GPHN: variants seen among roughly 807,000 people sequenced by gnomAD.
GPHN encodes the protein gephyrin.
In GPHN, 17 loss-of-function variants were observed where a neutral mutation model predicts 95.5. The observed-to-expected ratio is 0.18, with a 90% CI of 0.12 to 0.27. The LOEUF is 0.27. Ranked by LOEUF, GPHN falls within the 10% of genes least tolerant of loss-of-function variation. GPHN has a pLI of 1.00. For synonymous variants in GPHN, 320 were observed against 322.5 expected (o/e 0.99, Z 0.08); for missense variants, 660 against 978.1 (o/e 0.67, Z 4.34).
At chr14:67,582,566 G>A in the GPHN span, among the ~76,000 whole-genome samples, 2 of 152,156 alleles carry the variant, frequency 1.3e-5, no homozygotes, top group East Asian at 3.9e-4. This position sits in a 1 kb window ranked among gnomAD's most constrained non-coding sequence, Gnocchi z 5.0. Flanking sequence ...TGCCTGTAAT[G>A]TCAGCACTTT....
At chr14:67,639,347 T>C in the GPHN span, among the ~76,000 whole-genome samples, 6 of 152,346 alleles carry the variant, frequency 3.9e-5, no homozygotes, top group East Asian at 1.9e-4. Flanking sequence ...CCTATGAGGA[T>C]TGAATGAAAG....
chr14:66,977,071 C>G (rs2070296198), intron 9 of GPHN, among the ~76,000 whole-genome samples: 1 of 152,102 alleles, frequency 6.6e-6, no homozygotes. Context: ...AGGAATATAA[C>G]CTTTCAAGCA....
At chr14:67,344,667 C>A in the GPHN span, among the ~76,000 whole-genome samples, 1 of 151,870 alleles carries the variant, frequency 6.6e-6, no homozygotes, top group South Asian at 2.1e-4. Context: ...TTTCTTGAGG[C>A]CAGGAGTTTG....
At chr14:67,118,974 AT>A (rs1311456006) in intron 16 of GPHN, among the ~76,000 whole-genome samples, 1 of 152,094 alleles carries the variant, frequency 6.6e-6, no homozygotes, top group African/African-American at 2.4e-5. Flanking sequence ...TTATGAGGGT[AT>A]TTATAGGATT....
the GPHN span, among the ~76,000 whole-genome samples, chr14:67,217,960 T>A: frequency 6.6e-6 from 1 of 152,102 alleles, no homozygotes; most frequent in Non-Finnish European, 1.5e-5. Context: ...TATGAATGGG[T>A]CTTGGGATGT....
intron 2 of GPHN, among the ~76,000 whole-genome samples, chr14:66,690,640 C>T (rs1437601985): frequency 6.6e-6 from 1 of 152,138 alleles, no homozygotes; most frequent in African/African-American, 2.4e-5. Context: ...GAATTTATTC[C>T]TTCCTTTAAA....
the GPHN span, among the ~76,000 whole-genome samples, chr14:67,222,872 C>A: frequency 6.6e-6 from 1 of 151,882 alleles, no homozygotes. Flanking sequence ...AATACTGCTT[C>A]AAAAAGCAAG....
intron 4 of GPHN, among the ~76,000 whole-genome samples, chr14:66,850,656 G>A (rs955717577): frequency 1.3e-5 from 2 of 152,088 alleles, no homozygotes; most frequent in Non-Finnish European, 2.9e-5. Context: ...GCCCAGGAAT[G>A]CTGCTAAACA....
the GPHN span, chr14:67,569,740 T>C: frequency 2.1e-5 from 13 of 608,080 alleles, no homozygotes; most frequent in Non-Finnish European, 3.5e-5. Flanking sequence ...CTTTACCACA[T>C]GGAGATCATG....
chr14:67,380,817 C>A, the GPHN span: 1 of 994,512 alleles, frequency 1.0e-6, no homozygotes. Flanking sequence ...ATCAAAAAAG[C>A]TATTAAATAA....
At chr14:67,124,778 A>C (rs1023680659) in intron 17 of GPHN, among the ~76,000 whole-genome samples, 3 of 151,476 alleles carry the variant, frequency 2.0e-5, no homozygotes, top group Middle Eastern at 3.2e-3. Flanking sequence ...TTTGTTCTGG[A>C]CTATAATTCT....
At chr14:67,606,609 A>G in the GPHN span, among the ~76,000 whole-genome samples, 11 of 151,010 alleles carry the variant, frequency 7.3e-5, no homozygotes, top group East Asian at 2.1e-3. Flanking sequence ...TTTCAAAGGA[A>G]AGGTAAAAAA....
chr14:66,543,273 G>C (rs2059418287), intron 1 of GPHN, among the ~76,000 whole-genome samples: 1 of 152,076 alleles, frequency 6.6e-6, no homozygotes. Context: ...AACTACTCTT[G>C]ATAAGGTCAC....
chr14:67,323,261 G>GTGTGTGTGTATGTATA, the GPHN span, among the ~76,000 whole-genome samples: 1 of 124,140 alleles, frequency 8.1e-6, no homozygotes, highest in Non-Finnish European at 1.8e-5. Flanking sequence ...GTGTGTGTGT[G>GTGTGTGTGTATGTATA]TATATATATA....
At chr14:67,296,576 ACT>A in the GPHN span, among the ~76,000 whole-genome samples, 1 of 121,470 alleles carries the variant, frequency 8.2e-6, no homozygotes, top group Admixed American at 1.0e-4. Flanking sequence ...ACAGAGTGAA[ACT>A]CTGTCTCAAA....
At chr14:67,352,875 G>T in the GPHN span, 1 of 1,323,338 alleles carries the variant, frequency 7.6e-7, no homozygotes, top group Non-Finnish European at 1.1e-6. Flanking sequence ...CAAGGGCCAT[G>T]CTGGATTTTT....
intron 10 of GPHN, among the ~76,000 whole-genome samples, chr14:67,024,349 A>G (rs2153627079): frequency 6.6e-6 from 1 of 152,360 alleles, no homozygotes; most frequent in African/African-American, 2.4e-5. Context: ...AAAGTGCTAT[A>G]TAAATGCTAA....
At chr14:67,194,776 G>A in the GPHN span, among the ~76,000 whole-genome samples, 1 of 152,190 alleles carries the variant, frequency 6.6e-6, no homozygotes, top group South Asian at 2.1e-4. Context: ...TCCTGCCTCA[G>A]TCTCTCGAGT....
chr14:67,320,663 G>A, the GPHN span, among the ~76,000 whole-genome samples: 1 of 152,068 alleles, frequency 6.6e-6, no homozygotes, highest in Non-Finnish European at 1.5e-5. Flanking sequence ...TAGAGAATCA[G>A]TTCCTGCTGC....
Sources: allele counts gnomAD v4.1 joint callset (sites outside exome capture counted in the v4.1 genomes callset), GRCh38; gene constraint gnomAD v4.1.1; non-coding constraint Gnocchi (gnomAD v3.1); transcripts MANE v1.5; gene names NCBI Gene and HGNC (gene_info 2026-07-23, HGNC 2026-07-21).